The following CCDC40 variants were observed in gnomAD, a reference collection of about 807,000 sequenced individuals.
The protein encoded by CCDC40 is coiled-coil domain 40 molecular ruler complex subunit.
Under a neutral mutation model 124.5 loss-of-function variants are expected in CCDC40, and 104 were observed. That is an observed-to-expected ratio of 0.84 (90% CI 0.71 to 0.98). CCDC40 has a LOEUF of 0.98. Among genes scored for constraint, CCDC40 ranks in the 50% least tolerant of loss-of-function variants. The pLI is 0.00. For missense variants in CCDC40, 1,463 were observed against 1,503.9 expected, an observed-to-expected ratio of 0.97 and a Z score of 0.45; for synonymous variants, 580 against 602.9, an observed-to-expected ratio of 0.96 and a Z score of 0.56.
Position 80,099,744 on chromosome 17 carries a change from C to CCA in CCDC40, c.3399_3400dup (p.Asn1134ThrfsTer32), listed in dbSNP as rs2038884431. On this transcript the variant is annotated frameshift_variant, in exon 20 of 20. Coordinates refer to ENST00000397545, the MANE Select transcript of CCDC40 (RefSeq NM_017950.4). LOFTEE classifies it high-confidence loss of function. ...CTGCACAAGGTCAGCCAGATGATCG[C>CCA]CAACAAGCTCGAGTCACCAGGGCCC... is the stretch of plus-strand genomic sequence containing the variant. The CCA allele has an allele frequency of 6.2e-6, 10 of 1,613,512 alleles. No homozygotes were observed. The highest frequency in any genetic ancestry group is 8.5e-6 in the Non-Finnish European group (10 of 1,179,940).
chr17:80,052,131 C>T (rs1281114816), intron 7 of CCDC40, among the ~76,000 whole-genome samples: 2 of 152,196 alleles, frequency 1.3e-5, no homozygotes, highest in Non-Finnish European at 2.9e-5. Context: ...CCTGCCTCAT[C>T]TGGGAGGGAG....
At chr17:80,081,387 A>AAATAAATAAATAAAT in intron 10 of CCDC40, 159 bp from the exon 11 acceptor site, 2 of 349,936 alleles carry the variant, frequency 5.7e-6, no homozygotes, top group Non-Finnish European at 1.0e-5. Flanking sequence ...TCTGTCTCAA[A>AAATAAATAAATAAAT]AAATAAATAA....
chr17:80,044,903 A>G (rs993291451), intron 3 of CCDC40, among the ~76,000 whole-genome samples: 1 of 152,070 alleles, frequency 6.6e-6, no homozygotes, highest in African/African-American at 2.4e-5. Context: ...CCCCTGAGCG[A>G]GCCTTGCTTC....
chr17:80,048,598 T>C lies in CCDC40; in HGVS notation c.692T>C (p.Val231Ala). 6.2e-7 allele frequency: 1 copy of C among 1,613,490 alleles called. No homozygotes were observed. The highest frequency in any genetic ancestry group is 8.5e-7 in the Non-Finnish European group (1 of 1,179,858). The change falls in exon 5 of 20, where the codon GTG becomes GCG. Residue 231 changes from valine (V) to alanine (A), a missense_variant. Physicochemically the swap from Val to Ala is moderately conservative, Grantham distance 64 (BLOSUM62 0). Coordinates refer to ENST00000397545, the MANE Select transcript of CCDC40 (RefSeq NM_017950.4). ...VSQEPVIPPG[V>A]PDAHPREGDL... ...CTCCCCCCAGTGATCCCCCCAGGGGTGCCCGATGCCCACCCCAGGGAAGGA... is the reference window on the plus strand; with the variant it reads ...CTCCCCCCAGTGATCCCCCCAGGGGCGCCCGATGCCCACCCCAGGGAAGGA...
intron 7 of CCDC40, 58 bp downstream of exon 7, chr17:80,050,341 T>A: frequency 2.2e-6 from 3 of 1,373,868 alleles, no homozygotes; most frequent in Non-Finnish European, 1.0e-6. Flanking sequence ...CCCAGGGGTG[T>A]CTCCATGTAC....
chr17:80,063,786 C>T (rs1350471375), intron 9 of CCDC40, among the ~76,000 whole-genome samples: 1 of 152,182 alleles, frequency 6.6e-6, no homozygotes, highest in Non-Finnish European at 1.5e-5. Context: ...AGGCATGAGC[C>T]GCCGCACCTG....
intron 17 of CCDC40, among the ~76,000 whole-genome samples, chr17:80,092,345 A>G (rs1598550491): frequency 6.6e-6 from 1 of 151,682 alleles, no homozygotes; most frequent in African/African-American, 2.4e-5. Context: ...CAGCCCTACA[A>G]GTTTTGATAG....
rs2038453559 is a variant in CCDC40, at chr17:80,081,700, C to G, written c.1717C>G (p.Leu573Val). 3 of 1,614,074 alleles carry G rather than the reference C, an allele frequency of 1.9e-6. No individual in the cohort carries two copies. Among genetic ancestry groups the G allele is most frequent in the Non-Finnish European group, 2.5e-6 (3 of 1,180,050 alleles). Residue 573 changes from leucine to valine, a missense_variant, in exon 11 of 20, where the codon CTG becomes GTG. Transcript: ENST00000397545. Reference sequence around the variant, plus strand: ...GCTGCAGAAGCTCACCACCCAGTGCCTGACCAAGCAGGTGGCCCTGCAGAG... The same window carrying G: ...GCTGCAGAAGCTCACCACCCAGTGCGTGACCAAGCAGGTGGCCCTGCAGAG... ...TLLQKLTTQCLTKQVALQSQF... is the reference protein window; with the variant it reads ...TLLQKLTTQCVTKQVALQSQF...
chr17:80,086,053 G>A lies in CCDC40; in HGVS notation c.2286G>A (p.Leu762=). ...TTGAAATCAAAAGGCTGAGCAAGCT[G>A]ATCGACGAGCACGATGGCAAGGCGG... The part of the protein sequence containing the change: ...LELEIKRLSK[L]IDEHDGKAVQ... The change falls in exon 14 of 20, where the codon CTG becomes CTA. Residue 762 remains leucine, a synonymous_variant. Coordinates refer to ENST00000397545, the MANE Select transcript of CCDC40 (RefSeq NM_017950.4). This position sits in a 1 kb window ranked among gnomAD's most constrained non-coding sequence, Gnocchi z 5.5. 6.2e-7 allele frequency: 1 copy of A among 1,614,150 alleles called. No individual in the cohort carries two copies.
At chr17:80,049,479 C>T (rs2037522159) in intron 5 of CCDC40, among the ~76,000 whole-genome samples, 1 of 152,072 alleles carries the variant, frequency 6.6e-6, no homozygotes, top group Non-Finnish European at 1.5e-5. Flanking sequence ...TCTTCGCAGC[C>T]ACTGCCTTGA....
At chr17:80,045,515 GT>G (rs1395773243) in intron 3 of CCDC40, among the ~76,000 whole-genome samples, 11 of 152,072 alleles carry the variant, frequency 7.2e-5, no homozygotes, top group Admixed American at 7.2e-4. Flanking sequence ...ACCGGCCTGG[GT>G]AACATGGCAA....
chr17:80,061,462 C>T (rs569445187), intron 9 of CCDC40, among the ~76,000 whole-genome samples: 2 of 152,342 alleles, frequency 1.3e-5, no homozygotes, highest in South Asian at 4.1e-4. Flanking sequence ...GAAGACAACT[C>T]GCAGCCATTA....
At position 80,099,558 on chromosome 17, in the gene CCDC40, G is replaced by A. The variant is rs142135083; in HGVS notation, c.3212G>A (p.Arg1071His). ...NLSEIVALQT[R>H]LKHLQAVKEG... The stretch of plus-strand genomic sequence containing the variant: ...TCAGAGATCGTGGCCCTGCAGACAC[G>A]CCTTAAGCACCTGCAGGCTGTGAAG... The change falls in exon 20 of 20, where the codon CGC becomes CAC. Residue 1071 changes from arginine to histidine, a missense_variant. Coordinates refer to ENST00000397545, the MANE Select transcript of CCDC40 (RefSeq NM_017950.4). The A allele has an allele frequency of 1.9e-5, 31 of 1,612,034 alleles. No homozygotes were observed. The highest frequency in any genetic ancestry group is 6.7e-5 in the African/African-American group (5 of 75,018).
chr17:80,066,376 G>C lies in CCDC40; in HGVS notation c.1562+770G>C. On this transcript the variant is annotated intron_variant, in intron 10 of 19. Coordinates refer to ENST00000397545, the MANE Select transcript of CCDC40 (RefSeq NM_017950.4). This position sits in a 1 kb window ranked among gnomAD's most constrained non-coding sequence, Gnocchi z 4.4. ...CCAGGAGATGCTTTTCCTTTTGGGT[G>C]CTGTGATTAAAGAAACAAAATGAAA... The C allele has an allele frequency of 3.6e-6, 2 of 559,722 alleles. No homozygotes were observed. Among genetic ancestry groups the C allele is most frequent in the Non-Finnish European group, 6.4e-6 (2 of 314,414 alleles). 34.7% of individuals were successfully genotyped at this position (559,722 alleles called of 1,614,324 possible).
At chr17:80,072,750 G>A (rs1316175163) in intron 10 of CCDC40, among the ~76,000 whole-genome samples, 1 of 152,130 alleles carries the variant, frequency 6.6e-6, no homozygotes, top group African/African-American at 2.4e-5. Context: ...TGCAAGATCA[G>A]TAGTCTGTTC....
chr17:80,067,467 T>A lies in CCDC40; in HGVS notation c.1562+1861T>A, dbSNP rs11868400. 0.036 allele frequency: 30,212 copies of A among 844,300 alleles called. 4,356 individuals carry two copies. The African/African-American group carries it at 0.37, about 10-fold the overall frequency. 52.3% of individuals were successfully genotyped at this position (844,300 alleles called of 1,614,324 possible). On this transcript the variant is annotated intron_variant, in intron 10 of 19. Coordinates refer to ENST00000397545, the MANE Select transcript of CCDC40 (RefSeq NM_017950.4). ...CTTGCTCCGTGGGAGCACACCACAC[T>A]CACTGTTCTGCACCTCTTTGCTTTT...
intron 13 of CCDC40, 86 bp from the exon 14 acceptor site, chr17:80,085,917 G>A (rs541181687): frequency 3.2e-5 from 40 of 1,251,362 alleles, no homozygotes; most frequent in Middle Eastern, 2.6e-4. Context: ...TGATCCACCC[G>A]CCTCAGCCTC....
intron 7 of CCDC40, among the ~76,000 whole-genome samples, chr17:80,052,201 A>G (rs969895888): frequency 2.0e-5 from 3 of 152,048 alleles, no homozygotes; most frequent in Admixed American, 1.3e-4. Context: ...GAGAAAGGAG[A>G]GTTTATTCAG....
At chr17:80,092,306 G>A (rs1278373323) in intron 17 of CCDC40, among the ~76,000 whole-genome samples, 1 of 152,132 alleles carries the variant, frequency 6.6e-6, no homozygotes, top group Non-Finnish European at 1.5e-5. Flanking sequence ...AAAGTGCTGG[G>A]ATTACAGGTG....
Sources: gnomAD v4.1 joint callset for allele counts (sites outside exome capture counted in the v4.1 genomes callset) on GRCh38, gnomAD v4.1.1 for gene constraint, Gnocchi (gnomAD v3.1) non-coding constraint, MANE v1.5 for transcripts, NCBI Gene and HGNC (gene_info 2026-07-23, HGNC 2026-07-21) for gene names.